The following ABCA13 variants were observed in gnomAD, a reference collection of about 807,000 sequenced individuals.
The protein encoded by ABCA13 is ATP binding cassette subfamily A member 13.
Under a neutral mutation model 478.7 loss-of-function variants are expected in ABCA13, and 476 were observed. The ratio of observed to expected loss-of-function variants is 0.99; its 90% CI spans 0.92 to 1.07. The LOEUF is 1.07. Among genes scored for constraint, ABCA13 ranks in the 50% least tolerant of loss-of-function variants. The probability of loss-of-function intolerance (pLI) is 0.00; values close to 1 mark genes in which losing one functional copy is unlikely to be tolerated. For synonymous variants in ABCA13, 2,252 were observed against 2,158.9 expected (o/e 1.04, Z -1.20); for missense variants, 6,060 against 5,910.6 (o/e 1.03, Z -0.83).
At position 48,298,462 on chromosome 7, in the gene ABCA13, T is replaced by C; in HGVS notation, c.9296T>C (p.Leu3099Pro). The C allele has an allele frequency of 6.2e-7, 1 of 1,613,254 alleles. No individual in the cohort carries two copies. The highest frequency in any genetic ancestry group is 8.5e-7 in the Non-Finnish European group (1 of 1,179,614). ...TCGAATGAGACTATCCATAGCATTC[T>C]AGAAGCAAATATTTCCCACTCCAAG... The part of the protein sequence containing the change: ...QISNETIHSI[L>P]EANISHSKVL... The change falls in exon 23 of 62, where the codon CTA becomes CCA. Residue 3099 changes from leucine to proline, a missense_variant. Transcript: ENST00000435803.
chr7:48,567,298 T>G (rs1787170518), intron 55 of ABCA13, among the ~76,000 whole-genome samples: 1 of 152,006 alleles, frequency 6.6e-6, no homozygotes, highest in African/African-American at 2.4e-5. Context: ...AGATACTGAG[T>G]AGAAAAAAAT....
At chr7:48,603,326 T>G (rs1791110343) in intron 58 of ABCA13, among the ~76,000 whole-genome samples, 2 of 152,348 alleles carry the variant, frequency 1.3e-5, no homozygotes, top group East Asian at 1.9e-4. Context: ...AAGAGAATGC[T>G]TCTAGGTTTT....
At chr7:48,458,011 T>TAA (rs1825854471) in intron 43 of ABCA13, among the ~76,000 whole-genome samples, 1 of 152,236 alleles carries the variant, frequency 6.6e-6, no homozygotes, top group Non-Finnish European at 1.5e-5. Context: ...TTATGGGTGC[T>TAA]ATAACTGCTC....
chr7:48,350,619 T>C (rs1432365105), intron 29 of ABCA13, 24 bp from the exon 30 acceptor site: 3 of 1,602,832 alleles, frequency 1.9e-6, no homozygotes, highest in Admixed American at 1.7e-5. Flanking sequence ...AGTTGATGTG[T>C]CCTAATCTGT....
chr7:48,233,091 G>T (rs1003992117), intron 7 of ABCA13, among the ~76,000 whole-genome samples: 1 of 152,116 alleles, frequency 6.6e-6, no homozygotes, highest in Non-Finnish European at 1.5e-5. Context: ...AAAAAATCTT[G>T]TATTTCTGGG....
intron 58 of ABCA13, among the ~76,000 whole-genome samples, chr7:48,613,985 C>T (rs7809663): frequency 0.69 from 102,061 of 147,382 alleles, 36,597 homozygotes; most frequent in African/African-American, 0.78. Flanking sequence ...TATTATGCAC[C>T]ATATTAAAAT....
intron 41 of ABCA13, among the ~76,000 whole-genome samples, chr7:48,425,277 G>T (rs753430293): frequency 4.6e-5 from 7 of 152,038 alleles, no homozygotes; most frequent in Non-Finnish European, 8.8e-5. Context: ...TATGAGAGGG[G>T]CTAGAAAAGG....
rs939843045 is a variant in ABCA13 at position 48,317,287 on chromosome 7, C to T, written c.9990C>T (p.Val3330=). ...YTPNTPEINK[V]IQKANYTFYI... ...CAAACACTCCAGAAATTAACAAGGT[C>T]ATTCAAAAGGTAAGTTAAAATAAAT... is the stretch of plus-strand genomic sequence containing the variant. Residue 3330 remains valine, a synonymous_variant, in exon 27 of 62, where the codon GTC becomes GTT. Coordinates refer to ENST00000435803, the MANE Select transcript of ABCA13 (RefSeq NM_152701.5). 1 of 1,612,836 alleles carries T rather than the reference C, an allele frequency of 6.2e-7. No homozygotes were observed. Among genetic ancestry groups the T allele is most frequent in the Non-Finnish European group, 8.5e-7 (1 of 1,179,596 alleles).
intron 23 of ABCA13, among the ~76,000 whole-genome samples, chr7:48,300,114 T>C (rs1799946555): frequency 6.6e-6 from 1 of 152,230 alleles, no homozygotes; most frequent in South Asian, 2.1e-4. Context: ...TTTTTCTAGA[T>C]TGTCAGGTTT....
chr7:48,246,140 C>T, intron 13 of ABCA13, 110 bp downstream of exon 13: 1 of 1,210,144 alleles, frequency 8.3e-7, no homozygotes, highest in Non-Finnish European at 1.1e-6. Flanking sequence ...TTGCCGTAAG[C>T]CCACACACTT....
At chr7:48,364,223 T>C (rs1380648229) in intron 31 of ABCA13, among the ~76,000 whole-genome samples, 1 of 152,210 alleles carries the variant, frequency 6.6e-6, no homozygotes, top group African/African-American at 2.4e-5. Flanking sequence ...CCGTCTTCTG[T>C]TTCCCTGGAA....
At chr7:48,267,849 A>C (rs1795070246) in intron 15 of ABCA13, among the ~76,000 whole-genome samples, 1 of 152,110 alleles carries the variant, frequency 6.6e-6, no homozygotes, top group South Asian at 2.1e-4. Context: ...TTTTTTATTG[A>C]ATTCCAAATA....
chr7:48,250,143 G>A (rs1792322674), intron 15 of ABCA13, among the ~76,000 whole-genome samples: 1 of 152,138 alleles, frequency 6.6e-6, no homozygotes, highest in South Asian at 2.1e-4. Context: ...TATAATTTAG[G>A]AACAGTAGAT....
chr7:48,611,443 T>C (rs1792016241), intron 58 of ABCA13, among the ~76,000 whole-genome samples: 1 of 152,170 alleles, frequency 6.6e-6, no homozygotes. Flanking sequence ...TATTAGTTTC[T>C]TTTCACACTG....
At chr7:48,581,108 A>G (rs12718287) in intron 56 of ABCA13, among the ~76,000 whole-genome samples, 4,901 of 152,258 alleles carry the variant, frequency 0.032, 110 homozygotes, top group South Asian at 0.086. Context: ...GCACCTCATT[A>G]TAGAAAGTCT....
chr7:48,473,645 T>C (rs1827763674), intron 45 of ABCA13, among the ~76,000 whole-genome samples: 1 of 152,126 alleles, frequency 6.6e-6, no homozygotes, highest in Admixed American at 6.5e-5. Flanking sequence ...ACTTTATAGC[T>C]CTGGTGGTGG....
At chr7:48,550,439 G>A (rs530574091) in intron 55 of ABCA13, among the ~76,000 whole-genome samples, 2 of 151,442 alleles carry the variant, frequency 1.3e-5, no homozygotes, top group Admixed American at 6.6e-5. Context: ...TGTATTTTTA[G>A]TAGAGACGGG....
At chr7:48,644,170 T>C (rs1264029234) in intron 60 of ABCA13, among the ~76,000 whole-genome samples, 1 of 152,184 alleles carries the variant, frequency 6.6e-6, no homozygotes, top group Non-Finnish European at 1.5e-5. Context: ...GACATAATTA[T>C]CTCCATTGGC....
At chr7:48,564,594 G>A (rs779960588) in intron 55 of ABCA13, among the ~76,000 whole-genome samples, 11 of 151,808 alleles carry the variant, frequency 7.2e-5, no homozygotes, top group Admixed American at 1.3e-4. Context: ...GCCAGGTAGA[G>A]AATAGTTGTA....
Sources: allele counts gnomAD v4.1 joint callset (sites outside exome capture counted in the v4.1 genomes callset), GRCh38; gene constraint gnomAD v4.1.1; transcripts MANE v1.5; gene names NCBI Gene and HGNC (gene_info 2026-07-23, HGNC 2026-07-21).